Variants in LRRC61 observed in about 807,000 individuals in gnomAD.
LRRC61 encodes the protein leucine rich repeat containing 61, also known as leucine-rich repeat-containing protein 61.
In LRRC61, 9 loss-of-function variants were observed where a neutral mutation model predicts 15.1. The ratio of observed to expected loss-of-function variants is 0.60; its 90% CI spans 0.36 to 1.04. The LOEUF (loss-of-function observed/expected upper bound fraction) is 1.04. LRRC61 is among the 50% of genes least tolerant of loss of function. The probability of loss-of-function intolerance (pLI) is 0.01; values close to 1 mark genes in which losing one functional copy is unlikely to be tolerated. For synonymous variants in LRRC61, 173 were observed against 158.6 expected, an observed-to-expected ratio of 1.09 and a Z score of -0.68; for missense variants, 344 against 335.6, an observed-to-expected ratio of 1.03 and a Z score of -0.20.
At chr7:150,332,549 T>C (rs967883248) in intron 2 of LRRC61, 5 of 167,072 alleles carry the variant, frequency 3.0e-5, no homozygotes, top group African/African-American at 1.2e-4. Flanking sequence ...ACTGAAAATG[T>C]AAGGAAGCAG....
chr7:150,318,661 C>A (rs189487073), upstream of LRRC61, among the ~76,000 whole-genome samples: 38 of 152,138 alleles, frequency 2.5e-4, no homozygotes, highest in Non-Finnish European at 4.4e-4. Flanking sequence ...ACTCGGGAGG[C>A]TGAGGCAGAA....
chr7:150,328,179 C>T (rs946285307), intron 2 of LRRC61, among the ~76,000 whole-genome samples: 8 of 152,008 alleles, frequency 5.3e-5, no homozygotes, highest in South Asian at 4.1e-4. Flanking sequence ...GAAGAAGGTA[C>T]GGTAGAAGTC....
rs890160204 is a variant in LRRC61 at position 150,335,195 on chromosome 7, C to T, written c.-144-1523C>T. On this transcript the variant is annotated intron_variant, in intron 2 of 2. Transcript: ENST00000359623. This position sits in a 1 kb window ranked among gnomAD's most constrained non-coding sequence, Gnocchi z 4.3. The stretch of plus-strand genomic sequence containing the variant: ...AGACAGGTTTCTAGTGCCTGGTGCT[C>T]CTCCTGCACCCCCCACGTTAGGGGC... Among the ~76,000 whole-genome samples, 1 of 152,202 alleles carries T rather than the reference C, an allele frequency of 6.6e-6. No individual in the cohort carries two copies. The highest frequency in any genetic ancestry group is 1.5e-5 in the Non-Finnish European group (1 of 68,032).
Position 150,336,886 on chromosome 7 carries a change from G to A in LRRC61, c.25G>A (p.Gly9Arg), listed in dbSNP as rs1257873524. Residue 9 changes from glycine to arginine, a missense_variant, in exon 3 of 3, where the codon GGA becomes AGA. Coordinates refer to ENST00000359623, the MANE Select transcript of LRRC61 (RefSeq NM_001142928.2). MDPPAEKPGEAGGLQITPQ... is the reference protein window; with the variant it reads MDPPAEKPREAGGLQITPQ... ...CATGGACCCTCCAGCGGAGAAGCCG[G>A]GAGAGGCTGGCGGACTGCAGATCAC... 6.2e-7 allele frequency: 1 copy of A among 1,608,092 alleles called. No homozygotes were observed.
At position 150,337,975 on chromosome 7, in the gene LRRC61, C is replaced by G. The variant is rs972541842; in HGVS notation, c.*334C>G. ...GAGAAAGGTAGGGATGGGCCAGCCT[C>G]CCGTCTCAGCTGTTGGGAGACAGTA... On this transcript the variant is annotated 3_prime_UTR_variant, in exon 3 of 3. Coordinates refer to ENST00000359623, the MANE Select transcript of LRRC61 (RefSeq NM_001142928.2). 9.3e-6 allele frequency: 4 copies of G among 429,560 alleles called. No homozygotes were observed. The highest frequency in any genetic ancestry group is 1.8e-5 in the Non-Finnish European group (4 of 226,754). 26.6% of individuals were successfully genotyped at this position (429,560 alleles called of 1,614,324 possible).
chr7:150,337,032 G>A lies in LRRC61; in HGVS notation c.171G>A (p.Trp57Ter), dbSNP rs745834718. 6.2e-7 allele frequency: 1 copy of A among 1,613,628 alleles called. No homozygotes were observed. The highest frequency in any genetic ancestry group is 8.5e-7 in the Non-Finnish European group (1 of 1,180,022). ...GCLGECLGLE[W>*]LDLSGNALTH... The stretch of plus-strand genomic sequence containing the variant: ...TGGGAGAGTGCCTGGGCCTGGAGTG[G>A]CTGGACCTATCAGGCAACGCGCTCA... The change falls in exon 3 of 3, where the codon TGG becomes TGA. Residue 57 changes from tryptophan to a stop codon, truncating the protein, a stop_gained. Coordinates refer to ENST00000359623, the MANE Select transcript of LRRC61 (RefSeq NM_001142928.2). LOFTEE classifies it high-confidence loss of function.
Position 150,323,438 on chromosome 7 carries a change from A to AGGCGGCG in LRRC61, c.-427_-421dup, listed in dbSNP as rs907253198. ...CGCGGCCCAGGGGTCAGGGGCCGCC[A>AGGCGGCG]GGCGGCGGGCGGCGGGGCTGCGGCT... On this transcript the variant is annotated 5_prime_UTR_variant, in exon 1 of 3. Transcript: ENST00000359623. 1.7e-5 allele frequency: 6 copies of AGGCGGCG among 346,444 alleles called. No homozygotes were observed. Among genetic ancestry groups the AGGCGGCG allele is most frequent in the African/African-American group, 4.6e-5 (2 of 43,084 alleles). 21.5% of individuals were successfully genotyped at this position (346,444 alleles called of 1,614,324 possible). A position where few individuals can be genotyped will look rare whatever the true frequency, so the allele number is the denominator to read the frequency against.
In LRRC61 at chr7:150,337,203, G is replaced by A. The variant is rs780528344; in HGVS notation, c.342G>A (p.Gln114=). The part of the protein sequence containing the change: ...AAGNLLATPG[Q]LQCLAGLPCL... ...GCAACCTACTGGCCACCCCGGGCCA[G>A]CTGCAGTGTCTGGCTGGGCTACCGT... Residue 114 remains glutamine (Q), a synonymous_variant, in exon 3 of 3, where the codon CAG becomes CAA. Transcript: ENST00000359623. 6 of 1,606,324 alleles carry A rather than the reference G, an allele frequency of 3.7e-6. No homozygotes were observed. The highest frequency in any genetic ancestry group is 4.2e-6 in the Non-Finnish European group (5 of 1,179,886).
chr7:150,310,004 C>T, the LRRC61 span, among the ~76,000 whole-genome samples: 4,329 of 152,218 alleles, frequency 0.028, 221 homozygotes, highest in African/African-American at 0.099. Context: ...TGGGTATTGA[C>T]GGCCAAGCTT....
the LRRC61 span, among the ~76,000 whole-genome samples, chr7:150,312,821 A>G: frequency 1.3e-5 from 2 of 152,218 alleles, no homozygotes; most frequent in South Asian, 2.1e-4. Context: ...CAGGAATGTC[A>G]GGCCTCTGAG....
At chr7:150,322,286 G>A (rs978849662), upstream of LRRC61, among the ~76,000 whole-genome samples, 1 of 152,170 alleles carries the variant, frequency 6.6e-6, no homozygotes, top group Admixed American at 6.5e-5. Context: ...TTCATAGGAG[G>A]TTAGGCATTC....
Position 150,330,205 on chromosome 7 carries a change from G to A in LRRC61, c.-145+4195G>A. ...CTCACCCAGCTCCAGCGCCAGCGCA[G>A]CCTCCTAGCCCACCAGCCCTTTGAG... On this transcript the variant is annotated intron_variant, in intron 2 of 2. Transcript: ENST00000359623. The surrounding 1 kb of genome is among the most constrained non-coding windows in gnomAD (Gnocchi z 4.6). 5.1e-6 allele frequency: 3 copies of A among 593,372 alleles called. No homozygotes were observed. The highest frequency in any genetic ancestry group is 6.0e-6 in the Non-Finnish European group (2 of 333,168). 36.8% of individuals were successfully genotyped at this position (593,372 alleles called of 1,614,324 possible). A position where few individuals can be genotyped will look rare whatever the true frequency, so the allele number is the denominator to read the frequency against.
the LRRC61 span, among the ~76,000 whole-genome samples, chr7:150,309,609 C>T: frequency 2.0e-5 from 3 of 152,206 alleles, no homozygotes; most frequent in Admixed American, 6.5e-5. Context: ...TTAAATCCTC[C>T]TCATGGACCT....
upstream of LRRC61, among the ~76,000 whole-genome samples, chr7:150,322,073 G>T (rs904519179): frequency 6.6e-6 from 1 of 152,234 alleles, no homozygotes; most frequent in African/African-American, 2.4e-5. Flanking sequence ...GCTCGTCCAG[G>T]GAACATGACT....
chr7:150,328,161 T>C (rs1798003306), intron 2 of LRRC61, among the ~76,000 whole-genome samples: 1 of 152,110 alleles, frequency 6.6e-6, no homozygotes, highest in South Asian at 2.1e-4. Context: ...TTGGGGTAGG[T>C]GAATGGAGAA....
the LRRC61 span, among the ~76,000 whole-genome samples, chr7:150,314,670 T>C: frequency 2.0e-5 from 3 of 151,302 alleles, no homozygotes; most frequent in Non-Finnish European, 4.4e-5. Context: ...AGGCTGAGCT[T>C]GGTGGCTCAT....
intron 2 of LRRC61, 99 bp from the exon 3 acceptor site, chr7:150,336,619 T>G: frequency 5.7e-5 from 32 of 560,352 alleles, no homozygotes; most frequent in Non-Finnish European, 7.5e-5. Context: ...CTGGCTGAGA[T>G]TGTTGGTTTT....
the LRRC61 span, among the ~76,000 whole-genome samples, chr7:150,312,461 A>C: frequency 6.6e-6 from 1 of 152,368 alleles, no homozygotes; most frequent in South Asian, 2.1e-4. Flanking sequence ...GACAATGGGG[A>C]CAAAAAGCTT....
the LRRC61 span, among the ~76,000 whole-genome samples, chr7:150,315,891 C>A: frequency 6.6e-6 from 1 of 152,064 alleles, no homozygotes; most frequent in East Asian, 1.9e-4. Flanking sequence ...TACACAGTTT[C>A]CTTATATTTA....
Sources: gnomAD v4.1 joint callset for allele counts (sites outside exome capture counted in the v4.1 genomes callset) on GRCh38, gnomAD v4.1.1 for gene constraint, Gnocchi (gnomAD v3.1) non-coding constraint, MANE v1.5 for transcripts, NCBI Gene and HGNC (gene_info 2026-07-23, HGNC 2026-07-21) for gene names.